The following AVEN variants were observed in gnomAD, a reference collection of about 807,000 sequenced individuals.
The protein encoded by AVEN is apoptosis and caspase activation inhibitor, also known as cell death regulator Aven.
In AVEN, 41 loss-of-function variants were observed where a neutral mutation model predicts 38.1. The ratio of observed to expected loss-of-function variants is 1.08; its 90% CI spans 0.84 to 1.40. AVEN has a LOEUF of 1.40. Ranked by LOEUF, AVEN falls within the 40% of genes most tolerant of loss-of-function variation. The pLI, the probability that AVEN is intolerant of heterozygous loss-of-function variation, is 0.00. For missense variants in AVEN, 605 were observed against 438.8 expected, an observed-to-expected ratio of 1.38 and a Z score of -3.38; for synonymous variants, 206 against 171.8, an observed-to-expected ratio of 1.20 and a Z score of -1.56.
chr15:33,858,087 C>G (rs1024600507), downstream of AVEN: 96 of 858,182 alleles, frequency 1.1e-4, no homozygotes, highest in Admixed American at 4.4e-4. Context: ...AGGAGAGTGT[C>G]CTGGGAAGAC....
At chr15:33,913,401 T>C (rs1036400414) in intron 2 of AVEN, among the ~76,000 whole-genome samples, 1 of 152,186 alleles carries the variant, frequency 6.6e-6, no homozygotes, top group Non-Finnish European at 1.5e-5. Context: ...AGGAGGATAA[T>C]AGAGACAACC....
rs1899311628 is a variant in AVEN at position 34,038,897 on chromosome 15, G to A, written c.150C>T (p.Arg50=). 8.8e-7 allele frequency: 1 copy of A among 1,132,024 alleles called. No individual in the cohort carries two copies. Among genetic ancestry groups the A allele is most frequent in the Non-Finnish European group, 1.1e-6 (1 of 928,990 alleles). 70.1% of individuals were successfully genotyped at this position (1,132,024 alleles called of 1,614,324 possible). Residue 50 remains arginine, a synonymous_variant, in exon 1 of 6, where the codon CGC becomes CGT. Transcript: ENST00000306730. ...GGGGGGDGGG[R]RGRGRGRGFR... Reference sequence around the variant, plus strand: ...AGCCCCGGCCACGGCCACGGCCCCGGCGTCCGCCTCCGTCCCCGCCGCCGC... The same window carrying A: ...AGCCCCGGCCACGGCCACGGCCCCGACGTCCGCCTCCGTCCCCGCCGCCGC...
chr15:34,064,124 C>G (rs577587036), intron 4 of AVEN: 1 of 1,614,184 alleles, frequency 6.2e-7, no homozygotes, highest in African/African-American at 1.3e-5. Flanking sequence ...CCTTCTGTGA[C>G]AAGTGTGTCC....
intron 2 of AVEN, among the ~76,000 whole-genome samples, chr15:33,919,663 GA>G (rs1893312438): frequency 6.6e-6 from 1 of 152,196 alleles, no homozygotes; most frequent in Non-Finnish European, 1.5e-5. Flanking sequence ...TAAGAGCACA[GA>G]GGGAAAAGAA....
intron 5 of AVEN, among the ~76,000 whole-genome samples, chr15:34,048,172 G>A (rs1248338289): frequency 2.6e-5 from 4 of 152,330 alleles, no homozygotes; most frequent in East Asian, 1.9e-4. Flanking sequence ...CACCACACCC[G>A]GCCAGACTGC....
At chr15:33,853,238 A>C in the AVEN span, among the ~76,000 whole-genome samples, 1 of 152,230 alleles carries the variant, frequency 6.6e-6, no homozygotes, top group Non-Finnish European at 1.5e-5. Context: ...TTGGATATGA[A>C]CATATGTAGG....
chr15:34,005,372 C>A (rs1036051232), intron 1 of AVEN, among the ~76,000 whole-genome samples: 1 of 152,124 alleles, frequency 6.6e-6, no homozygotes, highest in Non-Finnish European at 1.5e-5. Context: ...ATTTTTACGA[C>A]CCTGACTTAT....
At chr15:34,002,775 T>G (rs1449486854) in intron 2 of AVEN, among the ~76,000 whole-genome samples, 1 of 152,220 alleles carries the variant, frequency 6.6e-6, no homozygotes, top group Non-Finnish European at 1.5e-5. Flanking sequence ...ATGGCTCAGC[T>G]TTTTCCACTT....
chr15:33,864,988 T>TA (rs1455655175), downstream of AVEN: 2 of 609,372 alleles, frequency 3.3e-6, no homozygotes, highest in Non-Finnish European at 5.8e-6. Flanking sequence ...GTGCTGGGAA[T>TA]AGAGCAAGAA....
chr15:33,854,374 C>G, downstream of AVEN: 1 of 1,554,570 alleles, frequency 6.4e-7, no homozygotes, highest in Non-Finnish European at 8.7e-7. Context: ...TTTAAAATCA[C>G]TTGTTCTTCT....
intron 2 of AVEN, among the ~76,000 whole-genome samples, chr15:33,885,900 T>A (rs780164351): frequency 6.6e-6 from 1 of 152,180 alleles, no homozygotes; most frequent in Non-Finnish European, 1.5e-5. Context: ...TAGTAAAAAT[T>A]GTCAGATCAA....
chr15:33,980,808 C>G (rs957546127), intron 2 of AVEN, among the ~76,000 whole-genome samples: 2 of 152,124 alleles, frequency 1.3e-5, no homozygotes, highest in Non-Finnish European at 2.9e-5. Flanking sequence ...ATATGCAAAA[C>G]ATTATCAACA....
chr15:33,946,297 C>T (rs1022964663), intron 2 of AVEN, among the ~76,000 whole-genome samples: 1 of 152,142 alleles, frequency 6.6e-6, no homozygotes, highest in Non-Finnish European at 1.5e-5. Context: ...AAAATAAAGG[C>T]TCAGGCAAAG....
intron 2 of AVEN, among the ~76,000 whole-genome samples, chr15:33,997,512 C>T (rs538794629): frequency 9.9e-5 from 15 of 152,240 alleles, no homozygotes; most frequent in African/African-American, 3.6e-4. Flanking sequence ...AAGACTATAT[C>T]ATTACCGTCA....
chr15:33,879,778 A>C (rs1891408559), intron 2 of AVEN, among the ~76,000 whole-genome samples: 2 of 152,210 alleles, frequency 1.3e-5, no homozygotes, highest in African/African-American at 4.8e-5. Context: ...CCACATTGAA[A>C]TGTGGTTTGA....
At chr15:33,860,515 C>T in intron 11 of AVEN, 1 of 783,862 alleles carries the variant, frequency 1.3e-6, no homozygotes. Context: ...TTTAACAGAA[C>T]AAAGTAGCTT....
At chr15:33,927,256 AAAT>A (rs143126877) in intron 2 of AVEN, among the ~76,000 whole-genome samples, 16 of 150,524 alleles carry the variant, frequency 1.1e-4, no homozygotes, top group Admixed American at 2.0e-4. Flanking sequence ...CTCCATCTCA[AAAT>A]AATAATAATA....
At chr15:33,896,621 G>C (rs1413235602) in intron 2 of AVEN, among the ~76,000 whole-genome samples, 1 of 152,106 alleles carries the variant, frequency 6.6e-6, no homozygotes, top group Non-Finnish European at 1.5e-5. Context: ...CAAAAATTTA[G>C]CCACTAACTT....
chr15:33,860,404 G>T (rs1887749632), intron 11 of AVEN, among the ~76,000 whole-genome samples: 1 of 152,122 alleles, frequency 6.6e-6, no homozygotes, highest in African/African-American at 2.4e-5. Flanking sequence ...GTGTAGAAAG[G>T]TAGAGTTAGG....
Sources: gnomAD v4.1 joint callset for allele counts (sites outside exome capture counted in the v4.1 genomes callset) on GRCh38, gnomAD v4.1.1 for gene constraint, MANE v1.5 for transcripts, NCBI Gene and HGNC (gene_info 2026-07-23, HGNC 2026-07-21) for gene names.